ACSF3: variants seen among roughly 807,000 people sequenced by gnomAD.
ACSF3 encodes the protein malonate--CoA ligase ACSF3, mitochondrial.
ACSF3 carries 78 observed loss-of-function variants against 53.2 expected under a neutral mutation model. That is an observed-to-expected ratio of 1.47 (90% CI 1.22 to 1.77). ACSF3 has a LOEUF of 1.77. Ranked by LOEUF, ACSF3 falls within the 40% of genes most tolerant of loss-of-function variation. The pLI is 0.00. For missense variants in ACSF3, 937 were observed against 771.1 expected, an observed-to-expected ratio of 1.22 and a Z score of -2.55; for synonymous variants, 414 against 333.1, an observed-to-expected ratio of 1.24 and a Z score of -2.65.
intron 10 of ACSF3, 160 bp from the exon 11 acceptor site, chr16:89,153,930 A>G (rs564227492): frequency 2.0e-5 from 14 of 696,332 alleles, no homozygotes; most frequent in Non-Finnish European, 3.0e-5. Context: ...GGGCAGAGAC[A>G]GCTGCGGTGG....
At chr16:89,116,413 G>A (rs1056578196) in intron 6 of ACSF3, among the ~76,000 whole-genome samples, 5 of 152,206 alleles carry the variant, frequency 3.3e-5, no homozygotes, top group African/African-American at 1.2e-4. Flanking sequence ...ACGGTGCTGG[G>A]GCCTGCAAGG....
intron 10 of ACSF3, chr16:89,151,305 T>A (rs1335500967): frequency 9.5e-6 from 4 of 422,562 alleles, no homozygotes; most frequent in Non-Finnish European, 1.9e-5. Context: ...ACTGATAAAT[T>A]ATCTCAAACA....
chr16:89,093,948 AGAGTTGT>A lies in ACSF3; in HGVS notation c.-240_-234del. On this transcript the variant is annotated 5_prime_UTR_variant, in exon 1 of 11. Coordinates refer to ENST00000614302, the MANE Select transcript of ACSF3 (RefSeq NM_001243279.3). Reference sequence around the variant, plus strand: ...GCGCGCGCGCGGCGGAGGACGAGGAAGAGTTGTGGCGAGGCAGATCCTGCCCCGTGGC... The same window carrying A: ...GCGCGCGCGCGGCGGAGGACGAGGAAGGCGAGGCAGATCCTGCCCCGTGGC... 3.1e-6 allele frequency: 1 copy of A among 324,712 alleles called. No homozygotes were observed. The highest frequency in any genetic ancestry group is 2.1e-5 in the South Asian group (1 of 46,970). 20.1% of individuals were successfully genotyped at this position (324,712 alleles called of 1,614,324 possible). A position where few individuals can be genotyped will look rare whatever the true frequency, so the allele number is the denominator to read the frequency against.
At position 89,118,975 on chromosome 16, in the gene ACSF3, G is replaced by A. The variant is rs28733674; in HGVS notation, c.1127-1826G>A. Among the ~76,000 whole-genome samples, 170 of 152,318 alleles carry A rather than the reference G, an allele frequency of 1.1e-3. 1 individual carries two copies. The highest frequency in any genetic ancestry group is 3.7e-3 in the African/African-American group (152 of 41,556). On this transcript the variant is annotated intron_variant, in intron 6 of 10. Coordinates refer to ENST00000614302, the MANE Select transcript of ACSF3 (RefSeq NM_001243279.3). Reference sequence around the variant, plus strand: ...CACTGTCACATGCCCGGGGCACAGCGAGCGGCACCTGGAGTGTGGGGACCC... The same window carrying A: ...CACTGTCACATGCCCGGGGCACAGCAAGCGGCACCTGGAGTGTGGGGACCC...
At chr16:89,140,987 T>A in intron 8 of ACSF3, 1 of 1,148,074 alleles carries the variant, frequency 8.7e-7, no homozygotes, top group South Asian at 1.5e-5. Context: ...CCGACTCCGA[T>A]TCCAGAATCG....
chr16:89,098,608 C>T lies in ACSF3; in HGVS notation c.-176C>T, dbSNP rs184589439. On this transcript the variant is annotated 5_prime_UTR_variant, in exon 2 of 11. Coordinates refer to ENST00000614302, the MANE Select transcript of ACSF3 (RefSeq NM_001243279.3). The stretch of plus-strand genomic sequence containing the variant: ...GTTGACAGGTGTCCCACCGGCCTTC[C>T]GGGTTCCAGCGCCAGGCCTGGTGCC... The T allele has an allele frequency of 1.1e-4, 52 of 452,510 alleles. No individual in the cohort carries two copies. The highest frequency in any genetic ancestry group is 5.6e-4 in the African/African-American group (28 of 50,116). The allele number at this position is 452,510 out of a possible 1,614,324, so 28.0% of individuals were successfully genotyped here.
chr16:89,125,357 A>AG (rs1907795052), intron 7 of ACSF3, among the ~76,000 whole-genome samples: 1 of 151,542 alleles, frequency 6.6e-6, no homozygotes, highest in Non-Finnish European at 1.5e-5. Context: ...AAAAAAAAAA[A>AG]AAGAATTAGC....
chr16:89,136,646 G>T, intron 8 of ACSF3: 1 of 1,287,238 alleles, frequency 7.8e-7, no homozygotes, highest in East Asian at 5.6e-5. Flanking sequence ...CCGGCCTGCA[G>T]CTCCCCAACG....
chr16:89,108,570 C>T (rs923427868), intron 4 of ACSF3, among the ~76,000 whole-genome samples: 6 of 152,206 alleles, frequency 3.9e-5, no homozygotes, highest in Non-Finnish European at 8.8e-5. Context: ...CCCCTGGCAA[C>T]CACGAATCTG....
At chr16:89,117,914 CCGGGGA>C (rs1905479054) in intron 6 of ACSF3, among the ~76,000 whole-genome samples, 1 of 152,110 alleles carries the variant, frequency 6.6e-6, no homozygotes, top group African/African-American at 2.4e-5. Flanking sequence ...CCCTCGGGTG[CCGGGGA>C]TGCTCCCTCT....
intron 4 of ACSF3, among the ~76,000 whole-genome samples, chr16:89,107,337 CT>C (rs1421394495): frequency 6.6e-6 from 1 of 152,192 alleles, no homozygotes; most frequent in Non-Finnish European, 1.5e-5. Flanking sequence ...CTCCCTGCCC[CT>C]CAGCCTTGTC....
chr16:89,148,526 C>T (rs555091500), intron 10 of ACSF3: 1 of 152,172 alleles, frequency 6.6e-6, no homozygotes, highest in Admixed American at 6.5e-5. Context: ...AGGGTACAGC[C>T]CCCATGCTGC....
Position 89,093,921 on chromosome 16 carries a change from C to G in ACSF3, c.-269C>G, listed in dbSNP as rs145228567. On this transcript the variant is annotated 5_prime_UTR_variant, in exon 1 of 11. Transcript: ENST00000614302. ...ACCCGGCCGGAACCCGGCCCGACCC[C>G]GGCGCGCGCGCGGCGGAGGACGAGG... is the stretch of plus-strand genomic sequence containing the variant. The G allele has an allele frequency of 0.16, 52,979 of 324,882 alleles. 6,453 individuals carry two copies. Among genetic ancestry groups the G allele is most frequent in the Admixed American group, 0.41 (12,673 of 30,994 alleles). 20.1% of individuals were successfully genotyped at this position (324,882 alleles called of 1,614,324 possible).
At chr16:89,138,026 C>A (rs1361519398) in intron 8 of ACSF3, among the ~76,000 whole-genome samples, 1 of 152,198 alleles carries the variant, frequency 6.6e-6, no homozygotes, top group East Asian at 1.9e-4. Flanking sequence ...TTAAAGGGAC[C>A]TTGTGACTTA....
At chr16:89,125,291 C>T (rs890231046) in intron 7 of ACSF3, among the ~76,000 whole-genome samples, 29 of 148,300 alleles carry the variant, frequency 2.0e-4, no homozygotes, top group Admixed American at 3.4e-4. Context: ...TGCACTGAGC[C>T]GAGATCACGC....
At chr16:89,130,987 G>A (rs1909159964) in intron 7 of ACSF3, among the ~76,000 whole-genome samples, 2 of 152,052 alleles carry the variant, frequency 1.3e-5, no homozygotes, top group Non-Finnish European at 2.9e-5. Flanking sequence ...ACCAATCCAT[G>A]AGATTCTTTA....
At position 89,145,380 on chromosome 16, in the gene ACSF3, C is replaced by T; in HGVS notation, c.1480C>T (p.Leu494=). The T allele has an allele frequency of 6.2e-7, 1 of 1,614,170 alleles. No individual in the cohort carries two copies. Among genetic ancestry groups the T allele is most frequent in the Non-Finnish European group, 8.5e-7 (1 of 1,180,026 alleles). Residue 494 remains leucine (L), a synonymous_variant, in exon 9 of 11, where the codon CTG becomes TTG. Transcript: ENST00000614302. ...VSALEVEWHL[L]AHPSITDVAV... ...CGCCCTGGAGGTGGAGTGGCACCTG[C>T]TGGCCCACCCCAGCATCACAGGTGC...
chr16:89,149,474 C>G (rs1913709743), intron 10 of ACSF3: 2 of 152,214 alleles, frequency 1.3e-5, no homozygotes, highest in Non-Finnish European at 2.9e-5. Context: ...CAGAAGGCAC[C>G]CACACACTCG....
intron 8 of ACSF3, among the ~76,000 whole-genome samples, chr16:89,134,271 G>A (rs544993632): frequency 7.9e-5 from 12 of 152,270 alleles, no homozygotes; most frequent in Admixed American, 2.0e-4. Flanking sequence ...TGGGCCATGC[G>A]GTAAGTGTTA....
Sources: gnomAD v4.1 joint callset for allele counts (sites outside exome capture counted in the v4.1 genomes callset) on GRCh38, gnomAD v4.1.1 for gene constraint, MANE v1.5 for transcripts, NCBI Gene and HGNC (gene_info 2026-07-23, HGNC 2026-07-21) for gene names.